Variants in PPAT observed in about 807,000 individuals in gnomAD.
The protein encoded by PPAT is phosphoribosyl pyrophosphate amidotransferase.
A neutral mutation model predicts 60.2 loss-of-function variants in PPAT; 20 were observed. The ratio of observed to expected loss-of-function variants is 0.33; its 90% CI spans 0.23 to 0.48. The LOEUF (loss-of-function observed/expected upper bound fraction) is 0.48, where lower values mean the gene tolerates loss of function less well. Ranked by LOEUF, PPAT falls within the 20% of genes least tolerant of loss-of-function variation. PPAT has a pLI of 0.99. For synonymous variants in PPAT, 194 were observed against 215.1 expected, an observed-to-expected ratio of 0.90 and a Z score of 0.86; for missense variants, 349 against 629.6, an observed-to-expected ratio of 0.55 and a Z score of 4.77.
Position 56,403,197 on chromosome 4 carries a change from TA to T in PPAT, c.516-13del, listed in dbSNP as rs35136233. 0.38 allele frequency: 615,446 copies of T among 1,599,500 alleles called. 123,346 individuals carry two copies. The highest frequency in any genetic ancestry group is 0.41 in the Non-Finnish European group (484,302 of 1,169,954). ...TCAAGTTTTTAATCCTGGAATTAATTAAATAATTGAATGAATAACTTCAGTT... is the reference window on the plus strand; with the variant it reads ...TCAAGTTTTTAATCCTGGAATTAATTAATAATTGAATGAATAACTTCAGTT... On this transcript the variant is annotated splice_polypyrimidine_tract_variant and intron_variant, in intron 4 of 10. Transcript: ENST00000264220.
chr4:56,409,775 T>C (rs1716362043), intron 1 of PPAT, among the ~76,000 whole-genome samples: 1 of 152,226 alleles, frequency 6.6e-6, no homozygotes, highest in Non-Finnish European at 1.5e-5. Context: ...GTAAACCTCT[T>C]CCATATGTGC....
In PPAT at chr4:56,435,431, C is replaced by G; in HGVS notation, c.47G>C (p.Gly16Ala). 1.9e-6 allele frequency: 3 copies of G among 1,613,914 alleles called. No individual in the cohort carries two copies. The highest frequency in any genetic ancestry group is 3.3e-4 in the Middle Eastern group (2 of 6,034). The change falls in exon 1 of 11, where the codon GGG becomes GCG. Residue 16 changes from glycine to alanine, a missense_variant. Transcript: ENST00000264220. ...LGIREECGVFGCIASGEWPTQ... is the reference protein window; with the variant it reads ...LGIREECGVFACIASGEWPTQ... Reference sequence around the variant, plus strand: ...GGGCCACTCTCCTGAGGCGATGCACCCGAACACGCCACATTCCTCTCGGAT... The same window carrying G: ...GGGCCACTCTCCTGAGGCGATGCACGCGAACACGCCACATTCCTCTCGGAT...
At position 56,403,167 on chromosome 4, in the gene PPAT, C is replaced by G; in HGVS notation, c.534G>C (p.Lys178Asn). 1 of 1,606,952 alleles carries G rather than the reference C, an allele frequency of 6.2e-7. No individual in the cohort carries two copies. Among genetic ancestry groups the G allele is most frequent in the South Asian group, 1.1e-5 (1 of 90,492 alleles). ...GCAGGGAGTATGCTGTGGGTGCTTC[C>G]TTCATCAAGTTTTTAATCCTGGAAT... is the stretch of plus-strand genomic sequence containing the variant. ...DWVARIKNLMKEAPTAYSLLI... is the reference protein window; with the variant it reads ...DWVARIKNLMNEAPTAYSLLI... Residue 178 changes from lysine (K) to asparagine (N), a missense_variant, in exon 5 of 11, where the codon AAG becomes AAC. Lys to Asn is a moderately conservative substitution (Grantham distance 94, BLOSUM62 0). This residue lies in a region of PPAT where 63 missense variants were observed against 86.9 expected (regional missense o/e 0.73). Transcript: ENST00000264220.
chr4:56,401,373 GA>G lies in PPAT; in HGVS notation c.842del (p.Ile281ThrfsTer22), dbSNP rs1717633325. On this transcript the variant is annotated frameshift_variant, in exon 7 of 11. Transcript: ENST00000264220. LOFTEE classifies it high-confidence loss of function. The part of the protein sequence containing the change: ...RSEGNPVAFC[I>X]FEYVYFARPD... ...GTCTTGCAAAATAAACATATTCAAAGATACAAAAAGCCACTGGGTTTCCTTC... is the reference window on the plus strand; with the variant it reads ...GTCTTGCAAAATAAACATATTCAAAGTACAAAAAGCCACTGGGTTTCCTTC... The G allele has an allele frequency of 6.3e-7, 1 of 1,599,002 alleles. No homozygotes were observed. The highest frequency in any genetic ancestry group is 1.3e-5 in the African/African-American group (1 of 74,304).
At chr4:56,412,101 G>A (rs959881363) in intron 1 of PPAT, among the ~76,000 whole-genome samples, 3 of 152,066 alleles carry the variant, frequency 2.0e-5, no homozygotes, top group Non-Finnish European at 2.9e-5. Context: ...GAAAGTCCCC[G>A]ATTTTAACCA....
chr4:56,421,620 G>A (rs577000779), intron 1 of PPAT: 12 of 152,316 alleles, frequency 7.9e-5, no homozygotes, highest in African/African-American at 2.2e-4. Context: ...GACAGTCTGC[G>A]TCTAGGGAAG....
At chr4:56,432,114 C>G (rs1717616499) in intron 1 of PPAT, among the ~76,000 whole-genome samples, 1 of 152,178 alleles carries the variant, frequency 6.6e-6, no homozygotes, top group Admixed American at 6.5e-5. Context: ...AATATACCTT[C>G]CAGGTATTCT....
In PPAT at chr4:56,403,159, G is replaced by C. The variant is rs148624264; in HGVS notation, c.542C>G (p.Pro181Arg). 3 of 1,608,526 alleles carry C rather than the reference G, an allele frequency of 1.9e-6. No homozygotes were observed. The highest frequency in any genetic ancestry group is 2.2e-5 in the East Asian group (1 of 44,850). ...ARIKNLMKEA[P>R]TAYSLLIMHR... Reference sequence around the variant, plus strand: ...CATTATAAGCAGGGAGTATGCTGTGGGTGCTTCCTTCATCAAGTTTTTAAT... The same window carrying C: ...CATTATAAGCAGGGAGTATGCTGTGCGTGCTTCCTTCATCAAGTTTTTAAT... Residue 181 changes from proline to arginine, a missense_variant, in exon 5 of 11, where the codon CCC becomes CGC. Around this residue, in one of 5 missense-constraint regions of PPAT, gnomAD observed 63 missense variants for 86.9 expected, o/e 0.73. Coordinates refer to ENST00000264220, the MANE Select transcript of PPAT (RefSeq NM_002703.5).
chr4:56,428,240 T>C (rs1400298585), intron 1 of PPAT, among the ~76,000 whole-genome samples: 1 of 152,224 alleles, frequency 6.6e-6, no homozygotes, highest in East Asian at 1.9e-4. Flanking sequence ...TCATGTTGAT[T>C]TGTAGGTAAT....
Position 56,395,265 on chromosome 4 carries a change from T to C in PPAT, c.*87A>G. ...GCATGGCATTTTACATTGTACCAAC[T>C]GAGTAACAGTAAATAGATGAGGTGT... On this transcript the variant is annotated 3_prime_UTR_variant, in exon 11 of 11. Transcript: ENST00000264220. 2 of 1,166,952 alleles carry C rather than the reference T, an allele frequency of 1.7e-6. No homozygotes were observed. Among genetic ancestry groups the C allele is most frequent in the South Asian group, 3.0e-5 (2 of 66,424 alleles). 72.3% of individuals were successfully genotyped at this position (1,166,952 alleles called of 1,614,324 possible).
chr4:56,415,008 T>G (rs2110049760), intron 1 of PPAT, among the ~76,000 whole-genome samples: 1 of 152,374 alleles, frequency 6.6e-6, no homozygotes, highest in South Asian at 2.1e-4. Flanking sequence ...TGTTTATTTT[T>G]CATTTGTTTT....
chr4:56,435,605 C>A lies in PPAT; in HGVS notation c.-128G>T. The A allele has an allele frequency of 1.3e-6, 2 of 1,522,998 alleles. No individual in the cohort carries two copies. Among genetic ancestry groups the A allele is most frequent in the Non-Finnish European group, 1.8e-6 (2 of 1,126,590 alleles). The allele number at this position is 1,522,998 out of a possible 1,614,324, so 94.3% of individuals were successfully genotyped here. A position where few individuals can be genotyped will look rare whatever the true frequency, so the allele number is the denominator to read the frequency against. ...ACAGGCTCTTCCTTCCCGAGGGTGG[C>A]CCCAGCTACTGCGGCGGCGCGCGCT... On this transcript the variant is annotated 5_prime_UTR_variant, in exon 1 of 11. Transcript: ENST00000264220.
intron 1 of PPAT, among the ~76,000 whole-genome samples, chr4:56,409,929 A>C (rs1403622574): frequency 1.3e-5 from 2 of 152,234 alleles, no homozygotes; most frequent in Non-Finnish European, 2.9e-5. Context: ...ACTCTAAAAA[A>C]ACTTGGCATG....
chr4:56,408,576 A>AAC (rs1716309290), intron 1 of PPAT, among the ~76,000 whole-genome samples: 1 of 151,894 alleles, frequency 6.6e-6, no homozygotes, highest in East Asian at 1.9e-4. Flanking sequence ...AACACGGTGA[A>AAC]TCCCCGTCTC....
intron 6 of PPAT, 52 bp from the exon 7 acceptor site, chr4:56,401,533 G>A: frequency 7.0e-7 from 1 of 1,438,164 alleles, no homozygotes; most frequent in Non-Finnish European, 9.5e-7. Context: ...AGTCCTTAAG[G>A]CTGATGAAAA....
At chr4:56,418,968 G>A (rs1263596643) in intron 1 of PPAT, among the ~76,000 whole-genome samples, 2 of 152,300 alleles carry the variant, frequency 1.3e-5, no homozygotes, top group East Asian at 1.9e-4. Context: ...ATTTAAAATG[G>A]CTTTAGTCTT....
At chr4:56,409,565 G>GA (rs1716354651) in intron 1 of PPAT, among the ~76,000 whole-genome samples, 1 of 152,114 alleles carries the variant, frequency 6.6e-6, no homozygotes, top group African/African-American at 2.4e-5. Flanking sequence ...GTGATACAGA[G>GA]AAAAAAGCCA....
At chr4:56,418,133 G>A (rs1716865769) in intron 1 of PPAT, among the ~76,000 whole-genome samples, 1 of 151,438 alleles carries the variant, frequency 6.6e-6, no homozygotes, top group Admixed American at 6.6e-5. Flanking sequence ...CACCGCACCT[G>A]GCTGAAGATT....
chr4:56,433,761 C>T (rs1268279113), intron 1 of PPAT, among the ~76,000 whole-genome samples: 1 of 151,022 alleles, frequency 6.6e-6, no homozygotes, highest in African/African-American at 2.4e-5. Flanking sequence ...GTGGCGTGAT[C>T]TCTGCTCTCT....
Sources: gnomAD v4.1 joint callset for allele counts (sites outside exome capture counted in the v4.1 genomes callset) on GRCh38, gnomAD v4.1.1 for gene constraint, gnomAD v4.1.1 regional missense constraint, MANE v1.5 for transcripts, NCBI Gene and HGNC (gene_info 2026-07-23, HGNC 2026-07-21) for gene names.